TCERG1: variants seen among roughly 807,000 people sequenced by gnomAD.
TCERG1 encodes TATA box binding protein (TBP)-associated factor, RNA polymerase II, S, 150kD.
TCERG1 carries 37 observed loss-of-function variants against 144.7 expected under a neutral mutation model. The observed-to-expected ratio is 0.26, with a 90% CI of 0.20 to 0.34. The LOEUF is 0.34. TCERG1 is among the 10% of genes least tolerant of loss of function. The pLI is 1.00. For synonymous variants in TCERG1, 492 were observed against 458.2 expected (o/e 1.07, Z -0.94); for missense variants, 1,027 against 1,380.7 (o/e 0.74, Z 4.06).
At chr5:146,471,009 C>G (rs1764242416) in intron 8 of TCERG1, among the ~76,000 whole-genome samples, 1 of 152,172 alleles carries the variant, frequency 6.6e-6, no homozygotes, top group Non-Finnish European at 1.5e-5. Context: ...GACTTATAAA[C>G]TGAGTGGTAT....
At chr5:146,461,815 A>G (rs924701838) in intron 4 of TCERG1, among the ~76,000 whole-genome samples, 2 of 152,134 alleles carry the variant, frequency 1.3e-5, no homozygotes, top group Non-Finnish European at 2.9e-5. Flanking sequence ...TTGAGCATAA[A>G]CTCATTTTGT....
intron 9 of TCERG1, among the ~76,000 whole-genome samples, chr5:146,476,067 C>G (rs1764814391): frequency 6.6e-6 from 1 of 151,992 alleles, no homozygotes; most frequent in Non-Finnish European, 1.5e-5. Flanking sequence ...ACAAGATGTT[C>G]TAGGCTTATC....
intron 5 of TCERG1, among the ~76,000 whole-genome samples, chr5:146,466,422 T>A (rs1420717430): frequency 6.6e-6 from 1 of 152,100 alleles, no homozygotes; most frequent in Non-Finnish European, 1.5e-5. Context: ...GGAGTTTGGA[T>A]AAATGGGTCT....
At chr5:146,456,815 T>G (rs1385390627) in intron 2 of TCERG1, among the ~76,000 whole-genome samples, 1 of 152,222 alleles carries the variant, frequency 6.6e-6, no homozygotes, top group African/African-American at 2.4e-5. Flanking sequence ...AACTTTTTCT[T>G]GAAGGATTCT....
In TCERG1 at chr5:146,454,973, A is replaced by G. The variant is rs966812547; in HGVS notation, c.60-83A>G. On this transcript the variant is annotated intron_variant, in intron 1 of 22. Transcript: ENST00000679501. ...CCACTTAGACTTAAGAACCTTTTAAATTTGATGGATGTAATTAGAGATCAG... is the reference window on the plus strand; with the variant it reads ...CCACTTAGACTTAAGAACCTTTTAAGTTTGATGGATGTAATTAGAGATCAG... The G allele has an allele frequency of 4.9e-6, 7 of 1,441,436 alleles. No homozygotes were observed. In the African/African-American group the frequency reaches 5.7e-5, roughly 12 times the overall value. 89.3% of individuals were successfully genotyped at this position (1,441,436 alleles called of 1,614,324 possible).
chr5:146,486,160 C>T (rs1007465665), intron 15 of TCERG1, among the ~76,000 whole-genome samples: 2 of 152,172 alleles, frequency 1.3e-5, no homozygotes, highest in African/African-American at 4.8e-5. Flanking sequence ...TGCTAGGTTG[C>T]ACATTACACA....
At chr5:146,479,054 T>A (rs1765104406) in intron 10 of TCERG1, among the ~76,000 whole-genome samples, 1 of 152,166 alleles carries the variant, frequency 6.6e-6, no homozygotes, top group Non-Finnish European at 1.5e-5. Context: ...AATCTCAATC[T>A]TTTGAATTAG....
At chr5:146,483,755 T>TG in intron 15 of TCERG1, 126 bp downstream of exon 15, 1 of 686,968 alleles carries the variant, frequency 1.5e-6, no homozygotes, top group Non-Finnish European at 2.4e-6. Flanking sequence ...TCTTGCATCT[T>TG]AGAACATATT....
At chr5:146,491,335 C>T (rs779521162) in intron 15 of TCERG1, among the ~76,000 whole-genome samples, 1 of 151,962 alleles carries the variant, frequency 6.6e-6, no homozygotes, top group Non-Finnish European at 1.5e-5. Context: ...TGGGGCTGTA[C>T]TGCAGAGTGG....
chr5:146,496,324 T>G (rs1359497882), intron 16 of TCERG1, among the ~76,000 whole-genome samples: 2 of 152,156 alleles, frequency 1.3e-5, no homozygotes, highest in Non-Finnish European at 2.9e-5. Flanking sequence ...GGCTAGTATT[T>G]TTTCTGCCCT....
intron 18 of TCERG1, 102 bp downstream of exon 18, chr5:146,503,641 T>A: frequency 6.9e-7 from 1 of 1,447,526 alleles, no homozygotes; most frequent in South Asian, 1.4e-5. Flanking sequence ...GGGTTTGGAT[T>A]TTTTCTTGTT....
rs767988284 is a variant in TCERG1, at chr5:146,510,576, C to A, written c.3282C>A (p.Asp1094Glu). 1 of 1,614,088 alleles carries A rather than the reference C, an allele frequency of 6.2e-7. No individual in the cohort carries two copies. Among genetic ancestry groups the A allele is most frequent in the Non-Finnish European group, 8.5e-7 (1 of 1,180,022 alleles). Residue 1094 changes from aspartate to glutamate, a missense_variant, in exon 23 of 23, where the codon GAC (aspartate) becomes GAA (glutamate). By Grantham distance (45) the Asp-to-Glu change is conservative (BLOSUM62 2). Coordinates refer to ENST00000679501, the MANE Select transcript of TCERG1 (RefSeq NM_001382548.1). The stretch of plus-strand genomic sequence containing the variant: ...AACTGATTGTGGCATATGTTGATGA[C>A]CTGGATCGCCGGGGTCCACCCCCAC... The part of the protein sequence containing the change: ...RRKLIVAYVD[D>E]LDRRGPPPPP...
At chr5:146,485,602 AC>A (rs1428099351) in intron 15 of TCERG1, among the ~76,000 whole-genome samples, 1 of 152,254 alleles carries the variant, frequency 6.6e-6, no homozygotes, top group Non-Finnish European at 1.5e-5. Context: ...TAATAGAATT[AC>A]GTTTGAAAAG....
At chr5:146,503,592 T>C (rs1767677695) in intron 18 of TCERG1, 53 bp downstream of exon 18, 1 of 1,586,210 alleles carries the variant, frequency 6.3e-7, no homozygotes, top group East Asian at 2.2e-5. Context: ...AATTCTTGTG[T>C]TTAAGGGTAT....
At chr5:146,508,836 G>T (rs1768221831) in intron 21 of TCERG1, among the ~76,000 whole-genome samples, 1 of 152,142 alleles carries the variant, frequency 6.6e-6, no homozygotes, top group South Asian at 2.1e-4. Flanking sequence ...ACCTCATGAG[G>T]TTGTTGTGAA....
At chr5:146,471,380 C>G in intron 8 of TCERG1, 108 bp from the exon 9 acceptor site, 1 of 922,058 alleles carries the variant, frequency 1.1e-6, no homozygotes, top group Non-Finnish European at 1.6e-6. Context: ...CTTATTCTAG[C>G]AGCAGATTTT....
intron 16 of TCERG1, among the ~76,000 whole-genome samples, chr5:146,497,127 C>T (rs1376193812): frequency 6.6e-6 from 1 of 151,900 alleles, no homozygotes; most frequent in Non-Finnish European, 1.5e-5. Flanking sequence ...CTGCCTTGGC[C>T]TCCCAAAGTG....
At chr5:146,455,908 G>T (rs560500474) in intron 2 of TCERG1, among the ~76,000 whole-genome samples, 2 of 152,214 alleles carry the variant, frequency 1.3e-5, no homozygotes, top group Non-Finnish European at 2.9e-5. Context: ...ACTGTCTGAG[G>T]TGAGGTCATG....
At chr5:146,457,161 T>C (rs761751676) in intron 2 of TCERG1, 22 bp from the exon 3 acceptor site, 22 of 1,607,772 alleles carry the variant, frequency 1.4e-5, no homozygotes, top group South Asian at 4.4e-5. Context: ...AAGTGACCAT[T>C]ACTGTTTTTG....
Sources: allele counts gnomAD v4.1 joint callset (sites outside exome capture counted in the v4.1 genomes callset), GRCh38; gene constraint gnomAD v4.1.1; transcripts MANE v1.5; gene names NCBI Gene and HGNC (gene_info 2026-07-23, HGNC 2026-07-21).